NETO1: variants seen among roughly 807,000 people sequenced by gnomAD.
The protein encoded by NETO1 is neuropilin and tolloid-like protein 1.
NETO1 carries 26 observed loss-of-function variants against 61.3 expected under a neutral mutation model. That is an observed-to-expected ratio of 0.42 (90% CI 0.31 to 0.59). The LOEUF (loss-of-function observed/expected upper bound fraction) is 0.59, where lower values mean the gene tolerates loss of function less well. NETO1 is among the 20% of genes least tolerant of loss of function. NETO1 has a pLI of 0.12. For missense variants in NETO1, 531 were observed against 662.8 expected (o/e 0.80, Z 2.18); for synonymous variants, 225 against 225.8 (o/e 1.00, Z 0.03).
intron 7 of NETO1, among the ~76,000 whole-genome samples, chr18:72,766,648 A>C (rs1397829732): frequency 6.6e-6 from 1 of 152,218 alleles, no homozygotes; most frequent in East Asian, 1.9e-4. Context: ...AATTCTGTTC[A>C]CAAATTTCAA....
chr18:72,791,873 T>G (rs2072130837), intron 6 of NETO1, among the ~76,000 whole-genome samples: 1 of 152,156 alleles, frequency 6.6e-6, no homozygotes, highest in Non-Finnish European at 1.5e-5. Context: ...ATACAGGTAG[T>G]GGGTTTTTAT....
At position 72,816,190 on chromosome 18, in the gene NETO1, C is replaced by T. The variant is rs145560364; in HGVS notation, c.470-21786G>A. ...GTGCTGAGAGTGAGCTGAGTGTGGCCTTAAGAGGAAGATCAAATCAAACAA... is the reference window on the plus strand; with the variant it reads ...GTGCTGAGAGTGAGCTGAGTGTGGCTTTAAGAGGAAGATCAAATCAAACAA... On this transcript the variant is annotated intron_variant, in intron 4 of 10. Coordinates refer to ENST00000327305, the MANE Select transcript of NETO1 (RefSeq NM_138966.5). 2.2e-4 allele frequency among the ~76,000 whole-genome samples: 34 copies of T among 151,930 alleles called. 1 individual carries two copies. The East Asian group carries it at 6.4e-3, about 29-fold the overall frequency.
In NETO1 at chr18:72,746,472, T is replaced by C. The variant is rs182974168; in HGVS notation, c.*1707A>G. Among the ~76,000 whole-genome samples, 159 of 152,304 alleles carry C rather than the reference T, an allele frequency of 1.0e-3. 1 individual carries two copies. The highest frequency in any genetic ancestry group is 3.6e-3 in the African/African-American group (149 of 41,582). Reference sequence around the variant, plus strand: ...CAAAACCTTTTCTGATTCCCTAGTTTATCAAATTCATTGAAGTGATTCTGT... The same window carrying C: ...CAAAACCTTTTCTGATTCCCTAGTTCATCAAATTCATTGAAGTGATTCTGT... On this transcript the variant is annotated 3_prime_UTR_variant, in exon 11 of 11. Coordinates refer to ENST00000327305, the MANE Select transcript of NETO1 (RefSeq NM_138966.5).
chr18:72,773,809 C>T (rs1244962481), intron 7 of NETO1, among the ~76,000 whole-genome samples: 1 of 152,086 alleles, frequency 6.6e-6, no homozygotes, highest in African/African-American at 2.4e-5. Flanking sequence ...AGTATTTCTT[C>T]CTAGCAGCGT....
intron 6 of NETO1, among the ~76,000 whole-genome samples, chr18:72,793,479 T>C (rs1445458775): frequency 6.6e-6 from 1 of 152,096 alleles, no homozygotes; most frequent in African/African-American, 2.4e-5. Flanking sequence ...TTATAATGTA[T>C]TGCCAACTCT....
At position 72,859,068 on chromosome 18, in the gene NETO1, G is replaced by A. The variant is rs142952296; in HGVS notation, c.227C>T (p.Pro76Leu). Residue 76 changes from proline (P) to leucine (L), a missense_variant, in exon 4 of 11, where the codon CCA (proline) becomes CTA (leucine). By Grantham distance (98) the Pro-to-Leu change is moderately conservative. Transcript: ENST00000327305. Reference sequence around the variant, plus strand: ...AAAGTAAAGTTCAATGCACTGTCTTGGAGCGGCTGTAAAGAAGAAAGATTG... The same window carrying A: ...AAAGTAAAGTTCAATGCACTGTCTTAGAGCGGCTGTAAAGAAGAAAGATTG... The part of the protein sequence containing the change: ...RECIYIIEAA[P>L]RQCIELYFDE... 1 of 1,594,750 alleles carries A rather than the reference G, an allele frequency of 6.3e-7. No homozygotes were observed. Among genetic ancestry groups the A allele is most frequent in the African/African-American group, 1.4e-5 (1 of 74,022 alleles).
chr18:72,860,894 C>G (rs1012605591), intron 3 of NETO1, among the ~76,000 whole-genome samples: 3 of 152,066 alleles, frequency 2.0e-5, no homozygotes, highest in African/African-American at 7.2e-5. Context: ...ACATTATCAT[C>G]CTATAGTATG....
chr18:72,855,754 G>C (rs578250444), intron 4 of NETO1, among the ~76,000 whole-genome samples: 1 of 152,336 alleles, frequency 6.6e-6, no homozygotes, highest in South Asian at 2.1e-4. Flanking sequence ...TGCCAGTCAG[G>C]CAAGATGGAA....
chr18:72,767,583 T>C (rs2145160907), intron 7 of NETO1, among the ~76,000 whole-genome samples: 1 of 152,340 alleles, frequency 6.6e-6, no homozygotes, highest in Middle Eastern at 3.4e-3. Context: ...TACATGTCTG[T>C]ACACATAATA....
intron 7 of NETO1, among the ~76,000 whole-genome samples, chr18:72,768,213 A>T (rs1350852003): frequency 6.6e-6 from 1 of 152,220 alleles, no homozygotes; most frequent in Non-Finnish European, 1.5e-5. Flanking sequence ...CCAAAGTCAT[A>T]TTTAAATCTT....
At chr18:72,810,055 G>T (rs1278258599) in intron 4 of NETO1, among the ~76,000 whole-genome samples, 1 of 152,200 alleles carries the variant, frequency 6.6e-6, no homozygotes, top group African/African-American at 2.4e-5. Context: ...TAATGTCACT[G>T]TTTGCAATTT....
At chr18:72,796,595 G>C (rs2072319927) in intron 4 of NETO1, among the ~76,000 whole-genome samples, 1 of 151,888 alleles carries the variant, frequency 6.6e-6, no homozygotes, top group Non-Finnish European at 1.5e-5. Flanking sequence ...TCCTGCCTCA[G>C]CCTCCCAAGT....
chr18:72,777,006 T>A (rs1170057689), intron 7 of NETO1, among the ~76,000 whole-genome samples: 1 of 152,180 alleles, frequency 6.6e-6, no homozygotes, highest in Non-Finnish European at 1.5e-5. Flanking sequence ...AATGAAAATG[T>A]TATGAACCTT....
intron 8 of NETO1, among the ~76,000 whole-genome samples, chr18:72,755,735 A>T (rs1274430723): frequency 6.6e-6 from 1 of 152,040 alleles, no homozygotes; most frequent in Non-Finnish European, 1.5e-5. Context: ...CATGACAGGA[A>T]AGTAGTGTGC....
chr18:72,752,869 T>C (rs1196715905), intron 8 of NETO1, among the ~76,000 whole-genome samples: 2 of 152,128 alleles, frequency 1.3e-5, no homozygotes, highest in Non-Finnish European at 2.9e-5. Flanking sequence ...ACTAACATGA[T>C]AACTTCCTGG....
intron 4 of NETO1, among the ~76,000 whole-genome samples, chr18:72,815,412 T>G (rs963630341): frequency 6.6e-6 from 1 of 152,030 alleles, no homozygotes; most frequent in African/African-American, 2.4e-5. Flanking sequence ...AGCCTTCATA[T>G]CACCAATATC....
intron 4 of NETO1, among the ~76,000 whole-genome samples, chr18:72,825,041 AC>A (rs1403598296): frequency 6.6e-6 from 1 of 152,208 alleles, no homozygotes; most frequent in African/African-American, 2.4e-5. Flanking sequence ...TAAATCAACC[AC>A]CATAGACAAG....
intron 4 of NETO1, among the ~76,000 whole-genome samples, chr18:72,856,117 G>C (rs1168292131): frequency 6.6e-6 from 1 of 152,042 alleles, no homozygotes; most frequent in Non-Finnish European, 1.5e-5. Context: ...TAAGAGATGG[G>C]TACACTCTCA....
chr18:72,794,331 T>C (rs764386267), intron 5 of NETO1, 32 bp downstream of exon 5: 14 of 1,613,534 alleles, frequency 8.7e-6, no homozygotes, highest in Middle Eastern at 3.3e-4. Context: ...AACAAAGTCT[T>C]CTGAACAGTA....
Sources: allele counts gnomAD v4.1 joint callset (sites outside exome capture counted in the v4.1 genomes callset), GRCh38; gene constraint gnomAD v4.1.1; transcripts MANE v1.5; gene names NCBI Gene and HGNC (gene_info 2026-07-23, HGNC 2026-07-21).